TYW1: variants seen among roughly 807,000 people sequenced by gnomAD.
The protein encoded by TYW1 is tRNA-yW synthesizing protein 1 homolog.
In TYW1, 46 loss-of-function variants were observed where a neutral mutation model predicts 96.2. The observed-to-expected ratio is 0.48, with a 90% CI of 0.38 to 0.61. The LOEUF (loss-of-function observed/expected upper bound fraction) is 0.61. TYW1 is among the 20% of genes least tolerant of loss of function. The probability of loss-of-function intolerance (pLI) is 0.00; values close to 1 mark genes in which losing one functional copy is unlikely to be tolerated. For missense variants in TYW1, 684 were observed against 909.6 expected, an observed-to-expected ratio of 0.75 and a Z score of 3.19; for synonymous variants, 274 against 323.0, an observed-to-expected ratio of 0.85 and a Z score of 1.63.
intron 14 of TYW1, among the ~76,000 whole-genome samples, chr7:67,183,670 A>G (rs1799911645): frequency 6.6e-6 from 1 of 151,224 alleles, no homozygotes; most frequent in Admixed American, 6.6e-5. Context: ...CTCATGACCC[A>G]GAGTTGTTTC....
intron 13 of TYW1, among the ~76,000 whole-genome samples, chr7:67,156,354 C>T (rs1166451903): frequency 6.6e-6 from 1 of 152,186 alleles, no homozygotes; most frequent in Non-Finnish European, 1.5e-5. Flanking sequence ...GGTTGATCCC[C>T]AGGCTCCTGG....
intron 3 of TYW1, among the ~76,000 whole-genome samples, chr7:67,008,549 A>G (rs1793680285): frequency 6.6e-6 from 1 of 152,204 alleles, no homozygotes; most frequent in African/African-American, 2.4e-5. Context: ...CTCCCAGCCT[A>G]GAGCTTCTCT....
chr7:67,166,331 T>TTATATATA (rs1799324386), intron 13 of TYW1, among the ~76,000 whole-genome samples: 1 of 140,240 alleles, frequency 7.1e-6, no homozygotes, highest in African/African-American at 2.7e-5. Context: ...ATAACATATA[T>TTATATATA]AATATATATA....
intron 15 of TYW1, among the ~76,000 whole-genome samples, chr7:67,197,395 G>A (rs1361346192): frequency 3.3e-5 from 5 of 151,324 alleles, no homozygotes; most frequent in African/African-American, 1.2e-4. Flanking sequence ...ATGCAACCTC[G>A]GCTCACTGCA....
intron 13 of TYW1, among the ~76,000 whole-genome samples, chr7:67,180,895 C>T (rs993501361): frequency 2.6e-5 from 4 of 152,142 alleles, no homozygotes; most frequent in Admixed American, 6.5e-5. Context: ...CCACCCACCT[C>T]GGCCTCCCAA....
At chr7:67,227,264 TTA>T (rs1491010811) in intron 15 of TYW1, among the ~76,000 whole-genome samples, 1 of 136,984 alleles carries the variant, frequency 7.3e-6, no homozygotes, top group African/African-American at 2.9e-5. Context: ...ATTATTATTA[TTA>T]TTTTTTTGAG....
intron 13 of TYW1, among the ~76,000 whole-genome samples, chr7:67,146,090 T>C (rs535277337): frequency 6.6e-6 from 1 of 152,246 alleles, no homozygotes; most frequent in Admixed American, 6.5e-5. Context: ...ATTATTTTTA[T>C]GGTACTTATT....
intron 11 of TYW1, among the ~76,000 whole-genome samples, chr7:67,090,695 T>C (rs534740969): frequency 2.0e-5 from 3 of 152,300 alleles, no homozygotes; most frequent in African/African-American, 7.2e-5. Flanking sequence ...TGTGCGTGTA[T>C]GTGTGCCTGT....
chr7:67,138,107 A>G (rs1237284821), intron 13 of TYW1, among the ~76,000 whole-genome samples: 2 of 152,152 alleles, frequency 1.3e-5, no homozygotes, highest in Non-Finnish European at 2.9e-5. Flanking sequence ...GACACCCCAC[A>G]CTTCACAGAG....
chr7:67,164,006 C>T (rs1233590610), intron 13 of TYW1, among the ~76,000 whole-genome samples: 4 of 151,996 alleles, frequency 2.6e-5, no homozygotes, highest in Non-Finnish European at 4.4e-5. Context: ...TAATGGATAG[C>T]GGAGATCAGG....
At chr7:67,205,471 G>T (rs2116374782) in intron 15 of TYW1, among the ~76,000 whole-genome samples, 1 of 151,778 alleles carries the variant, frequency 6.6e-6, no homozygotes, top group Middle Eastern at 3.4e-3. Context: ...AAGTGTATGG[G>T]GGAGAGGTGC....
At chr7:67,118,436 G>A (rs1328726139) in intron 13 of TYW1, among the ~76,000 whole-genome samples, 15 of 152,006 alleles carry the variant, frequency 9.9e-5, no homozygotes, top group Non-Finnish European at 1.3e-4. Context: ...ATAATATGTA[G>A]TACAATGTAA....
In TYW1 at chr7:66,998,148, G is replaced by A; in HGVS notation, c.88G>A (p.Val30Ile). The A allele has an allele frequency of 6.2e-7, 1 of 1,612,740 alleles. No homozygotes were observed. Among genetic ancestry groups the A allele is most frequent in the Non-Finnish European group, 8.5e-7 (1 of 1,179,678 alleles). ...GTTTTACATTTATTTGGGCTTTGCT[G>A]TTAGCATTAGCCTTTGGATTTGTGT... ...NRFYIYLGFA[V>I]SISLWICVQI... The change falls in exon 2 of 16, where the codon GTT becomes ATT. Residue 30 changes from valine to isoleucine, a missense_variant. Val to Ile is a conservative substitution (Grantham distance 29, BLOSUM62 3). Coordinates refer to ENST00000359626, the MANE Select transcript of TYW1 (RefSeq NM_018264.4).
At chr7:67,017,524 A>T (rs1310666992) in intron 5 of TYW1, among the ~76,000 whole-genome samples, 1 of 152,032 alleles carries the variant, frequency 6.6e-6, no homozygotes, top group African/African-American at 2.4e-5. Context: ...TTATTTTGTT[A>T]ACTCCTGTTT....
intron 15 of TYW1, among the ~76,000 whole-genome samples, chr7:67,230,044 A>G (rs1801697924): frequency 6.6e-6 from 1 of 152,048 alleles, no homozygotes; most frequent in African/African-American, 2.4e-5. Flanking sequence ...TCCAGTTTGA[A>G]AGCTACCAGT....
At chr7:67,154,290 T>C (rs566176097) in intron 13 of TYW1, among the ~76,000 whole-genome samples, 1 of 152,338 alleles carries the variant, frequency 6.6e-6, no homozygotes, top group South Asian at 2.1e-4. Flanking sequence ...TACTTTTATT[T>C]TTCAATAAAC....
chr7:67,172,778 T>C (rs1337212249), intron 13 of TYW1, among the ~76,000 whole-genome samples: 2 of 152,090 alleles, frequency 1.3e-5, no homozygotes, highest in African/African-American at 4.8e-5. Context: ...ACCACAGATT[T>C]TCTCTTCAGT....
At chr7:67,009,909 C>T (rs977187878) in intron 4 of TYW1, among the ~76,000 whole-genome samples, 4 of 151,988 alleles carry the variant, frequency 2.6e-5, no homozygotes, top group Non-Finnish European at 1.5e-5. Context: ...GTTAAATTCT[C>T]CTGGGGCAGG....
At chr7:67,169,827 G>C (rs1799463228) in intron 13 of TYW1, among the ~76,000 whole-genome samples, 1 of 152,180 alleles carries the variant, frequency 6.6e-6, no homozygotes, top group Non-Finnish European at 1.5e-5. Flanking sequence ...TAATACTGCT[G>C]GGAATATTCA....
Sources: gnomAD v4.1 joint callset for allele counts (sites outside exome capture counted in the v4.1 genomes callset) on GRCh38, gnomAD v4.1.1 for gene constraint, MANE v1.5 for transcripts, NCBI Gene and HGNC (gene_info 2026-07-23, HGNC 2026-07-21) for gene names.